The following NKAIN2 variants were observed in gnomAD, a reference collection of about 807,000 sequenced individuals.
NKAIN2 encodes the protein sodium/potassium transporting ATPase interacting 2.
A neutral mutation model predicts 32.6 loss-of-function variants in NKAIN2; 14 were observed. The ratio of observed to expected loss-of-function variants is 0.43; its 90% CI spans 0.28 to 0.67. The LOEUF (loss-of-function observed/expected upper bound fraction) is 0.67, where lower values mean the gene tolerates loss of function less well. Among genes scored for constraint, NKAIN2 ranks in the 30% least tolerant of loss-of-function variants. NKAIN2 has a pLI of 0.17. For missense variants in NKAIN2, 198 were observed against 258.3 expected (o/e 0.77, Z 1.60); for synonymous variants, 80 against 87.2 (o/e 0.92, Z 0.46).
intron 3 of NKAIN2, among the ~76,000 whole-genome samples, chr6:124,611,052 A>G (rs1782670013): frequency 6.6e-6 from 1 of 152,166 alleles, no homozygotes; most frequent in Non-Finnish European, 1.5e-5. Context: ...TTTAGAGAAC[A>G]CTTTTTTGTG....
chr6:124,629,189 C>A (rs1204702575), intron 3 of NKAIN2, among the ~76,000 whole-genome samples: 1 of 152,262 alleles, frequency 6.6e-6, no homozygotes, highest in Middle Eastern at 3.4e-3. Context: ...CTTTTCATTT[C>A]CCCTCATCTA....
chr6:124,224,943 C>T (rs1349831541), intron 1 of NKAIN2, among the ~76,000 whole-genome samples: 5 of 151,870 alleles, frequency 3.3e-5, no homozygotes, highest in African/African-American at 1.2e-4. Context: ...TTATTATATC[C>T]AGTCAAGTAT....
chr6:124,112,043 A>G (rs1029194412), intron 1 of NKAIN2, among the ~76,000 whole-genome samples: 15 of 152,176 alleles, frequency 9.9e-5, no homozygotes, highest in Non-Finnish European at 2.2e-4. Context: ...TATAGTTTTC[A>G]AAATAATTTT....
At position 124,239,769 on chromosome 6, in the gene NKAIN2, A is replaced by G. The variant is rs997180102; in HGVS notation, c.55-43236A>G. 3.8e-4 allele frequency among the ~76,000 whole-genome samples: 58 copies of G among 152,218 alleles called. 2 individuals are homozygous for G. On this transcript the variant is annotated intron_variant, in intron 1 of 6. Transcript: ENST00000368417. ...CAGTGTTTAGAGGGAAATTTATAGC[A>G]CTAAATGCCCACTGGAGAAAGCGGG...
rs115967026 is a variant in NKAIN2, at chr6:123,985,082, T to C, written c.54+180828T>C. On this transcript the variant is annotated intron_variant, in intron 1 of 6. Coordinates refer to ENST00000368417, the MANE Select transcript of NKAIN2 (RefSeq NM_001040214.3). Reference sequence around the variant, plus strand: ...AATGATGTATGTACAAGGTTCTTGATTGAGCATAAATTCTACTGGTAAAAA... The same window carrying C: ...AATGATGTATGTACAAGGTTCTTGACTGAGCATAAATTCTACTGGTAAAAA... 7.9e-4 allele frequency among the ~76,000 whole-genome samples: 120 copies of C among 152,272 alleles called. 1 individual carries two copies. Among genetic ancestry groups the C allele is most frequent in the African/African-American group, 2.7e-3 (114 of 41,560 alleles).
chr6:124,243,179 T>A (rs1344623449), intron 1 of NKAIN2, among the ~76,000 whole-genome samples: 1 of 150,056 alleles, frequency 6.7e-6, no homozygotes, highest in Non-Finnish European at 1.5e-5. Context: ...AAACAGGAGG[T>A]AAAGAGGGGA....
chr6:124,162,069 T>C (rs188136499), intron 1 of NKAIN2, among the ~76,000 whole-genome samples: 56 of 152,314 alleles, frequency 3.7e-4, no homozygotes, highest in African/African-American at 1.2e-3. Context: ...AGTTTTCTTT[T>C]ATTTCTGGGG....
intron 1 of NKAIN2, among the ~76,000 whole-genome samples, chr6:124,070,681 C>A (rs1286764810): frequency 6.6e-6 from 1 of 152,134 alleles, no homozygotes; most frequent in Non-Finnish European, 1.5e-5. Flanking sequence ...CTTTGAATGA[C>A]TTCTATTGCC....
intron 5 of NKAIN2, among the ~76,000 whole-genome samples, chr6:124,818,098 C>A (rs754592316): frequency 6.6e-5 from 10 of 151,490 alleles, no homozygotes; most frequent in Non-Finnish European, 1.5e-4. Context: ...TCTATTACTC[C>A]AATTAGGTCT....
At chr6:124,326,265 G>T (rs1287331781) in intron 2 of NKAIN2, among the ~76,000 whole-genome samples, 99 of 148,906 alleles carry the variant, frequency 6.6e-4, no homozygotes, top group Non-Finnish European at 3.1e-4. Context: ...TACTTTTGTG[G>T]CCACTTTTTT....
intron 3 of NKAIN2, among the ~76,000 whole-genome samples, chr6:124,592,158 G>C (rs918362820): frequency 1.3e-5 from 2 of 152,138 alleles, no homozygotes; most frequent in African/African-American, 4.8e-5. Context: ...CTTGACTTTA[G>C]AGTTTGAGCT....
intron 3 of NKAIN2, among the ~76,000 whole-genome samples, chr6:124,396,853 A>G (rs1258677011): frequency 6.6e-6 from 1 of 152,168 alleles, no homozygotes; most frequent in Admixed American, 6.5e-5. Context: ...GATGAATTCT[A>G]TTTGTTTAAA....
At chr6:123,807,894 A>G (rs1238281827) in intron 1 of NKAIN2, among the ~76,000 whole-genome samples, 1 of 152,204 alleles carries the variant, frequency 6.6e-6, no homozygotes, top group African/African-American at 2.4e-5. Context: ...CAATTAGGTT[A>G]GTACACATTG....
chr6:124,335,870 A>AT (rs902643805), intron 2 of NKAIN2, among the ~76,000 whole-genome samples: 5 of 151,920 alleles, frequency 3.3e-5, no homozygotes, highest in Admixed American at 2.6e-4. Context: ...CACTTTATCT[A>AT]TTTTTTTGTT....
intron 1 of NKAIN2, among the ~76,000 whole-genome samples, chr6:124,106,119 T>C (rs943067466): frequency 5.9e-5 from 9 of 152,300 alleles, no homozygotes; most frequent in Non-Finnish European, 8.8e-5. Context: ...ATATAACCAA[T>C]AAATGGAATA....
intron 1 of NKAIN2, among the ~76,000 whole-genome samples, chr6:124,150,972 T>A (rs961554126): frequency 2.6e-5 from 4 of 151,920 alleles, no homozygotes; most frequent in African/African-American, 9.7e-5. Flanking sequence ...TTCTGTAAAA[T>A]CCTTATTCTT....
intron 4 of NKAIN2, among the ~76,000 whole-genome samples, chr6:124,696,299 G>A (rs1774494267): frequency 6.6e-6 from 1 of 152,140 alleles, no homozygotes; most frequent in Admixed American, 6.5e-5. Context: ...GAAGCTCAGA[G>A]AGAGAGTTTG....
At chr6:124,565,707 T>A (rs888752964) in intron 3 of NKAIN2, among the ~76,000 whole-genome samples, 9 of 152,142 alleles carry the variant, frequency 5.9e-5, no homozygotes, top group African/African-American at 2.2e-4. Flanking sequence ...TAAATTTAAG[T>A]AACCAATAAA....
At chr6:124,020,789 G>A (rs1780827913) in intron 1 of NKAIN2, among the ~76,000 whole-genome samples, 2 of 151,986 alleles carry the variant, frequency 1.3e-5, no homozygotes, top group Admixed American at 1.3e-4. Context: ...TAAATCATTT[G>A]CATCATTAGA....
Sources: allele counts gnomAD v4.1 joint callset (sites outside exome capture counted in the v4.1 genomes callset), GRCh38; gene constraint gnomAD v4.1.1; transcripts MANE v1.5; gene names NCBI Gene and HGNC (gene_info 2026-07-23, HGNC 2026-07-21).